The following ADGRV1 variants were observed in gnomAD, a reference collection of about 807,000 sequenced individuals.
ADGRV1 encodes the protein adhesion G protein-coupled receptor V1, also known as G-protein coupled receptor 98.
A neutral mutation model predicts 596.2 loss-of-function variants in ADGRV1; 359 were observed. The observed-to-expected ratio is 0.60, with a 90% CI of 0.55 to 0.66. The LOEUF (loss-of-function observed/expected upper bound fraction) is 0.66. Ranked by LOEUF, ADGRV1 falls within the 30% of genes least tolerant of loss-of-function variation. ADGRV1 has a pLI of 0.00. For missense variants in ADGRV1, 7,274 were observed against 7,575.6 expected (o/e 0.96, Z 1.48); for synonymous variants, 2,681 against 2,679.2 (o/e 1.00, Z -0.02).
chr5:91,060,398 A>ATATTTTTT (rs796332430), intron 85 of ADGRV1, among the ~76,000 whole-genome samples: 13 of 60,528 alleles, frequency 2.1e-4, no homozygotes, highest in African/African-American at 6.1e-4. Context: ...ATATATATAT[A>ATATTTTTT]TTTTTTTTTT....
At chr5:90,711,994 C>G (rs993236223) in intron 41 of ADGRV1, among the ~76,000 whole-genome samples, 2 of 152,070 alleles carry the variant, frequency 1.3e-5, no homozygotes, top group African/African-American at 4.8e-5. Flanking sequence ...CCATGTTGGC[C>G]AGGCTGGTCT....
chr5:90,940,558 A>AT (rs1234666008), intron 83 of ADGRV1, among the ~76,000 whole-genome samples: 4 of 152,120 alleles, frequency 2.6e-5, no homozygotes, highest in Non-Finnish European at 2.9e-5. Flanking sequence ...TGTACCAGGT[A>AT]TTTTTTTCAG....
At chr5:90,970,182 T>G (rs1362917165) in intron 84 of ADGRV1, among the ~76,000 whole-genome samples, 2 of 151,842 alleles carry the variant, frequency 1.3e-5, no homozygotes, top group African/African-American at 4.8e-5. Context: ...GGGGGAGGGG[T>G]GCCCACCATG....
chr5:90,943,391 C>G (rs575654858), intron 83 of ADGRV1, among the ~76,000 whole-genome samples: 2 of 152,242 alleles, frequency 1.3e-5, no homozygotes, highest in East Asian at 1.9e-4. Context: ...CACACACCTT[C>G]TTGAACCTGG....
chr5:91,150,747 GAGTGCTTCTGCAGCACTATTGGAAA>G (rs1795982534), intron 88 of ADGRV1, among the ~76,000 whole-genome samples: 4 of 152,170 alleles, frequency 2.6e-5, no homozygotes, highest in African/African-American at 9.7e-5. Flanking sequence ...AAGCTCAGAA[GAGTGCTTCTGCAGCACTATTGGAAA>G]ATCTAGCCAG....
chr5:90,814,761 A>G (rs561389838), intron 74 of ADGRV1, among the ~76,000 whole-genome samples: 1 of 152,316 alleles, frequency 6.6e-6, no homozygotes, highest in Non-Finnish European at 1.5e-5. Context: ...AATCTCAGGT[A>G]GCATCTTTAT....
At chr5:90,959,196 A>T (rs186210401) in intron 83 of ADGRV1, among the ~76,000 whole-genome samples, 135 of 152,302 alleles carry the variant, frequency 8.9e-4, no homozygotes, top group Admixed American at 2.7e-3. Context: ...TCTATGTGTC[A>T]GGAAGGAATG....
intron 1 of ADGRV1, among the ~76,000 whole-genome samples, chr5:90,613,650 A>G (rs1750736893): frequency 6.6e-6 from 1 of 151,906 alleles, no homozygotes; most frequent in South Asian, 2.1e-4. Context: ...CCTTTCCTGG[A>G]CTCCATTTGA....
intron 85 of ADGRV1, among the ~76,000 whole-genome samples, chr5:91,014,518 G>GT (rs1351892634): frequency 6.6e-6 from 1 of 151,094 alleles, no homozygotes; most frequent in Non-Finnish European, 1.5e-5. Context: ...GAGTTTTTTT[G>GT]TTTTTTGTTT....
chr5:91,104,291 C>A (rs1791653109), intron 87 of ADGRV1, among the ~76,000 whole-genome samples: 1 of 152,118 alleles, frequency 6.6e-6, no homozygotes, highest in African/African-American at 2.4e-5. Flanking sequence ...CAGAGATAAA[C>A]ACTTTTCATT....
At chr5:91,121,341 G>A (rs1381250696) in intron 87 of ADGRV1, among the ~76,000 whole-genome samples, 5 of 152,148 alleles carry the variant, frequency 3.3e-5, no homozygotes. Flanking sequence ...TTCCATGAAT[G>A]CACCCGTCCT....
chr5:90,863,137 G>C (rs1251703130), intron 82 of ADGRV1, among the ~76,000 whole-genome samples: 1 of 152,074 alleles, frequency 6.6e-6, no homozygotes, highest in African/African-American at 2.4e-5. Context: ...GTCTTAAAAG[G>C]CAGAAAATAT....
In ADGRV1 at chr5:90,645,977, G is replaced by A. The variant is rs919553739; in HGVS notation, c.2908G>A (p.Glu970Lys). 1.9e-6 allele frequency: 3 copies of A among 1,588,830 alleles called. No homozygotes were observed. Among genetic ancestry groups the A allele is most frequent in the African/African-American group, 2.7e-5 (2 of 74,352 alleles). ...GTAACATTTTCCAAAGATTCCAGAA[G>A]AAATGGAAGAATTTACCGTTATCCT... ...IYSLPDEIPE[E>K]MEEFTVILLN... is the part of the protein sequence containing the mutation. Residue 970 changes from glutamate (E) to lysine (K), a missense_variant, in exon 16 of 90, where the codon GAA (glutamate) becomes AAA (lysine). Physicochemically the swap from Glu to Lys is moderately conservative, Grantham distance 56. Coordinates refer to ENST00000405460, the MANE Select transcript of ADGRV1 (RefSeq NM_032119.4).
chr5:90,745,823 C>G (rs766911909), intron 52 of ADGRV1, 28 bp downstream of exon 52: 15 of 1,238,044 alleles, frequency 1.2e-5, no homozygotes, highest in Admixed American at 3.5e-5. Context: ...CCCACACTTG[C>G]AATGCAAAAT....
intron 31 of ADGRV1, among the ~76,000 whole-genome samples, chr5:90,692,072 G>T (rs1406466739): frequency 6.6e-6 from 1 of 152,012 alleles, no homozygotes; most frequent in African/African-American, 2.4e-5. Context: ...AATGCTAATT[G>T]TGCCATTTTT....
chr5:90,797,157 A>G (rs1265925449), intron 70 of ADGRV1, among the ~76,000 whole-genome samples: 2 of 152,156 alleles, frequency 1.3e-5, no homozygotes, highest in Non-Finnish European at 2.9e-5. Context: ...AAATGTCCCA[A>G]TTAAAAGACA....
In ADGRV1 at chr5:90,564,612, A is replaced by AATAT. The variant is rs200720440; in HGVS notation, c.22+5706_22+5709dup. On this transcript the variant is annotated intron_variant, in intron 1 of 89. Coordinates refer to ENST00000405460, the MANE Select transcript of ADGRV1 (RefSeq NM_032119.4). Reference sequence around the variant, plus strand: ...CAAAGTACACATTTCCATGGCGTTTAATATATATATATATTTTTTTTTTTT... The same window carrying AATAT: ...CAAAGTACACATTTCCATGGCGTTTAATATATATATATATATATTTTTTTTTTTT... Among the ~76,000 whole-genome samples, 52 of 77,046 alleles carry AATAT rather than the reference A, an allele frequency of 6.7e-4. 2 individuals are homozygous for AATAT. The highest frequency in any genetic ancestry group is 2.0e-3 in the African/African-American group (26 of 13,296). The allele number at this position is 77,046 out of a possible 152,430, so 50.5% of individuals were successfully genotyped here.
intron 70 of ADGRV1, 75 bp from the exon 71 acceptor site, chr5:90,802,664 G>A: frequency 2.2e-6 from 3 of 1,384,396 alleles, no homozygotes; most frequent in Non-Finnish European, 2.0e-6. Flanking sequence ...CAGGCATTAT[G>A]CTAATGGCTC....
Position 90,646,052 on chromosome 5 carries a change from C to T in ADGRV1, c.2983C>T (p.Leu995=), listed in dbSNP as rs1460659000. ...AKVGNRTTAT[L]RIRRNDDPIY... ...AGTGGGAAATAGAACAACTGCAACT[C>T]TGAGGATTAGAAGAAATGATGACCC... is the stretch of plus-strand genomic sequence containing the variant. Residue 995 remains leucine (L), a synonymous_variant, in exon 16 of 90, where the codon CTG becomes TTG. Transcript: ENST00000405460. 12 of 1,599,808 alleles carry T rather than the reference C, an allele frequency of 7.5e-6. No individual in the cohort carries two copies. Among genetic ancestry groups the T allele is most frequent in the East Asian group, 2.3e-5 (1 of 44,432 alleles).
Sources: allele counts gnomAD v4.1 joint callset (sites outside exome capture counted in the v4.1 genomes callset), GRCh38; gene constraint gnomAD v4.1.1; transcripts MANE v1.5; gene names NCBI Gene and HGNC (gene_info 2026-07-23, HGNC 2026-07-21).